Variants in ARHGAP15 observed in about 807,000 individuals in gnomAD.
ARHGAP15 encodes the protein rho GTPase-activating protein 15.
In ARHGAP15, 51 loss-of-function variants were observed where a neutral mutation model predicts 63.7. That is an observed-to-expected ratio of 0.80 (90% CI 0.64 to 1.01). The LOEUF (loss-of-function observed/expected upper bound fraction) is 1.01. Ranked by LOEUF, ARHGAP15 falls within the 50% of genes least tolerant of loss-of-function variation. ARHGAP15 has a pLI of 0.00. For synonymous variants in ARHGAP15, 191 were observed against 193.8 expected, an observed-to-expected ratio of 0.99 and a Z score of 0.12; for missense variants, 560 against 564.6, an observed-to-expected ratio of 0.99 and a Z score of 0.08.
chr2:143,616,495 T>C (rs931462808), intron 11 of ARHGAP15, among the ~76,000 whole-genome samples: 2 of 152,166 alleles, frequency 1.3e-5, no homozygotes, highest in Non-Finnish European at 2.9e-5. Flanking sequence ...TCCAAAGATA[T>C]GCACAAAACC....
At chr2:143,457,764 C>T (rs1055847150) in intron 8 of ARHGAP15, among the ~76,000 whole-genome samples, 1 of 151,530 alleles carries the variant, frequency 6.6e-6, no homozygotes, top group Non-Finnish European at 1.5e-5. Flanking sequence ...TAACAAAATA[C>T]CCCAAGTACC....
At chr2:143,606,340 A>C (rs1223756752) in intron 11 of ARHGAP15, among the ~76,000 whole-genome samples, 1 of 152,190 alleles carries the variant, frequency 6.6e-6, no homozygotes, top group Admixed American at 6.5e-5. Context: ...ATATGAACTA[A>C]TAACTTTTCC....
At chr2:143,289,392 C>A (rs1183406664) in intron 6 of ARHGAP15, among the ~76,000 whole-genome samples, 1 of 152,164 alleles carries the variant, frequency 6.6e-6, no homozygotes, top group Non-Finnish European at 1.5e-5. Context: ...AAATCAAAAT[C>A]CATGTAGCTT....
At chr2:143,683,320 A>G (rs967740270) in intron 12 of ARHGAP15, among the ~76,000 whole-genome samples, 2 of 152,202 alleles carry the variant, frequency 1.3e-5, no homozygotes, top group Non-Finnish European at 2.9e-5. Flanking sequence ...ATGTTGTATA[A>G]CATGGCCTAT....
chr2:143,377,339 A>T (rs1379382717), intron 6 of ARHGAP15, among the ~76,000 whole-genome samples: 2 of 152,008 alleles, frequency 1.3e-5, no homozygotes, highest in Admixed American at 6.6e-5. Context: ...AAGAATAAAA[A>T]ATTGCTAGCA....
intron 13 of ARHGAP15, among the ~76,000 whole-genome samples, chr2:143,738,909 A>C (rs12691690): frequency 1.3e-5 from 2 of 152,014 alleles, no homozygotes; most frequent in Non-Finnish European, 2.9e-5. Flanking sequence ...AACGAAAACA[A>C]GGTCAGGTGT....
chr2:143,635,031 T>G (rs185435989), intron 12 of ARHGAP15, among the ~76,000 whole-genome samples: 17 of 152,052 alleles, frequency 1.1e-4, no homozygotes, highest in African/African-American at 3.9e-4. Context: ...TCCCAAAATG[T>G]TATCAGTTGA....
intron 6 of ARHGAP15, among the ~76,000 whole-genome samples, chr2:143,316,924 C>A (rs1263385769): frequency 6.6e-6 from 1 of 152,130 alleles, no homozygotes; most frequent in Non-Finnish European, 1.5e-5. Flanking sequence ...TTATTGTTCC[C>A]ATTCAAAATT....
intron 9 of ARHGAP15, among the ~76,000 whole-genome samples, chr2:143,494,610 C>A (rs1415030918): frequency 6.6e-6 from 1 of 151,892 alleles, no homozygotes; most frequent in East Asian, 1.9e-4. Flanking sequence ...ATCTATGGTC[C>A]TTTTCTTTCC....
chr2:143,276,181 T>A (rs1261145320), intron 6 of ARHGAP15, among the ~76,000 whole-genome samples: 1 of 152,240 alleles, frequency 6.6e-6, no homozygotes, highest in Non-Finnish European at 1.5e-5. Context: ...GCATGAATAA[T>A]GTTTATGAAG....
intron 6 of ARHGAP15, among the ~76,000 whole-genome samples, chr2:143,364,032 A>G (rs749958585): frequency 2.6e-5 from 4 of 152,212 alleles, no homozygotes; most frequent in Non-Finnish European, 5.9e-5. Context: ...GCAAGATTAA[A>G]AAGTTCCTTT....
At position 143,760,576 on chromosome 2, in the gene ARHGAP15, C is replaced by A. The variant is rs188747456; in HGVS notation, c.1245-7413C>A. Among the ~76,000 whole-genome samples the A allele has an allele frequency of 6.9e-3, 1,043 of 151,914 alleles. 15 individuals carry two copies. Among genetic ancestry groups the A allele is most frequent in the African/African-American group, 0.024 (992 of 41,460 alleles). ...ATACTTTAGAATATCACTGTAATGC[C>A]CAATCAATAAAAATATGAAACAAGT... On this transcript the variant is annotated intron_variant, in intron 13 of 13. Transcript: ENST00000295095.
chr2:143,279,662 T>C (rs1054828319), intron 6 of ARHGAP15, among the ~76,000 whole-genome samples: 2 of 152,196 alleles, frequency 1.3e-5, no homozygotes, highest in Non-Finnish European at 2.9e-5. Flanking sequence ...TTTGGTTATA[T>C]AGTTAAGTGT....
At chr2:143,320,293 T>C (rs994218260) in intron 6 of ARHGAP15, among the ~76,000 whole-genome samples, 3 of 152,176 alleles carry the variant, frequency 2.0e-5, no homozygotes, top group Non-Finnish European at 2.9e-5. Context: ...CAGAGCTGAT[T>C]GTGCACATCT....
intron 10 of ARHGAP15, among the ~76,000 whole-genome samples, chr2:143,546,560 C>T (rs925621825): frequency 9.2e-5 from 14 of 152,064 alleles, no homozygotes; most frequent in African/African-American, 2.9e-4. Flanking sequence ...TTTCTTTAAA[C>T]CTGCTGTGGC....
At chr2:143,160,333 G>T (rs1369735380) in intron 2 of ARHGAP15, among the ~76,000 whole-genome samples, 2 of 151,852 alleles carry the variant, frequency 1.3e-5, no homozygotes, top group African/African-American at 2.4e-5. Context: ...ACAGTGTTTT[G>T]TTCCTAATCT....
At chr2:143,289,475 T>A (rs1381095084) in intron 6 of ARHGAP15, among the ~76,000 whole-genome samples, 1 of 152,204 alleles carries the variant, frequency 6.6e-6, no homozygotes, top group African/African-American at 2.4e-5. Flanking sequence ...ATGTGAGTAT[T>A]AAGTATACAC....
chr2:143,693,028 T>G (rs1164536616), intron 12 of ARHGAP15, among the ~76,000 whole-genome samples: 2 of 150,278 alleles, frequency 1.3e-5, no homozygotes, highest in Admixed American at 6.6e-5. Context: ...AAAGTGATAG[T>G]TTTTTTTTAA....
intron 2 of ARHGAP15, among the ~76,000 whole-genome samples, chr2:143,199,116 T>C (rs1692003040): frequency 6.6e-6 from 1 of 152,136 alleles, no homozygotes. Context: ...CAAATGCATA[T>C]ATTCTTTCAC....
Sources: allele counts gnomAD v4.1 joint callset (sites outside exome capture counted in the v4.1 genomes callset), GRCh38; gene constraint gnomAD v4.1.1; transcripts MANE v1.5; gene names NCBI Gene and HGNC (gene_info 2026-07-23, HGNC 2026-07-21).